Variants in CDK19 observed in about 807,000 individuals in gnomAD.
CDK19 encodes the protein cyclin dependent kinase 19, also known as cyclin-dependent kinase 19.
In CDK19, 20 loss-of-function variants were observed where a neutral mutation model predicts 68.3. That is an observed-to-expected ratio of 0.29 (90% CI 0.21 to 0.43). The LOEUF is 0.43. CDK19 is among the 20% of genes least tolerant of loss of function. The pLI is 1.00. For synonymous variants in CDK19, 221 were observed against 222.8 expected (o/e 0.99, Z 0.07); for missense variants, 339 against 623.5 (o/e 0.54, Z 4.86).
intron 1 of CDK19, among the ~76,000 whole-genome samples, chr6:110,762,702 C>T (rs1458421229): frequency 6.6e-6 from 1 of 152,074 alleles, no homozygotes; most frequent in Non-Finnish European, 1.5e-5. Context: ...AATTGTAAAC[C>T]TTTTAGGGAC....
intron 4 of CDK19, among the ~76,000 whole-genome samples, chr6:110,658,056 T>G (rs1190863327): frequency 6.6e-6 from 1 of 152,216 alleles, no homozygotes; most frequent in African/African-American, 2.4e-5. Context: ...CAATATTACC[T>G]TCTTACACAT....
intron 2 of CDK19, among the ~76,000 whole-genome samples, chr6:110,687,972 G>A (rs1246297795): frequency 6.6e-6 from 1 of 152,046 alleles, no homozygotes; most frequent in Non-Finnish European, 1.5e-5. Flanking sequence ...TTTTTGCAGG[G>A]AGGGGTCAAA....
At chr6:110,814,331 A>C (rs763208341) in intron 1 of CDK19, among the ~76,000 whole-genome samples, 2 of 152,262 alleles carry the variant, frequency 1.3e-5, no homozygotes, top group African/African-American at 2.4e-5. Context: ...AAACGCAGCT[A>C]GCCCATCAGG....
chr6:110,733,869 C>G (rs911723102), intron 2 of CDK19, among the ~76,000 whole-genome samples: 3 of 152,130 alleles, frequency 2.0e-5, no homozygotes, highest in Middle Eastern at 3.4e-3. Context: ...CAACTTTAAG[C>G]ATTATTGATT....
intron 12 of CDK19, among the ~76,000 whole-genome samples, chr6:110,617,660 T>C (rs1234222954): frequency 2.4e-3 from 157 of 66,802 alleles, no homozygotes; most frequent in African/African-American, 4.8e-3. Flanking sequence ...TTTATATATA[T>C]ATACACACAC....
intron 1 of CDK19, among the ~76,000 whole-genome samples, chr6:110,769,152 C>CAAAAA (rs536664282): frequency 2.2e-4 from 11 of 50,538 alleles, no homozygotes; most frequent in African/African-American, 4.4e-4. Flanking sequence ...GACTCTGTCT[C>CAAAAA]AAAAAAAAAA....
At chr6:110,645,777 C>G in intron 4 of CDK19, 1 of 581,408 alleles carries the variant, frequency 1.7e-6, no homozygotes, top group Non-Finnish European at 3.3e-6. Context: ...CGGCTGTTTT[C>G]CAGTTTCTGG....
chr6:110,667,755 G>A (rs1782033828), intron 3 of CDK19, among the ~76,000 whole-genome samples, 181 bp from the exon 4 acceptor site: 1 of 152,140 alleles, frequency 6.6e-6, no homozygotes, highest in East Asian at 1.9e-4. Context: ...GAGGGTGACT[G>A]TGACCATGTT....
intron 1 of CDK19, among the ~76,000 whole-genome samples, chr6:110,761,835 A>G (rs983232865): frequency 2.0e-5 from 3 of 152,102 alleles, no homozygotes; most frequent in Admixed American, 1.3e-4. Context: ...AGCCTCTGTA[A>G]CTCCACAGCT....
At chr6:110,663,742 G>A (rs1462663624) in intron 4 of CDK19, among the ~76,000 whole-genome samples, 1 of 151,994 alleles carries the variant, frequency 6.6e-6, no homozygotes, top group African/African-American at 2.4e-5. Context: ...TGTTGCTCAG[G>A]CTACTCTTGA....
In CDK19 at chr6:110,626,985, A is replaced by G; in HGVS notation, c.790+17T>C. 1 of 1,592,500 alleles carries G rather than the reference A, an allele frequency of 6.3e-7. No individual in the cohort carries two copies. The highest frequency in any genetic ancestry group is 8.5e-7 in the Non-Finnish European group (1 of 1,171,154). ...AATATGACTCAAAATATGACTTTAA[A>G]AAGGAAAATAAATTACCTGCAGGAA... On this transcript the variant is annotated intron_variant, in intron 7 of 12. Transcript: ENST00000368911.
intron 1 of CDK19, among the ~76,000 whole-genome samples, chr6:110,788,893 T>A (rs1781416173): frequency 6.6e-6 from 1 of 152,188 alleles, no homozygotes; most frequent in African/African-American, 2.4e-5. Context: ...TGGGAGCACT[T>A]CTGGCATGAT....
chr6:110,727,971 G>C (rs1258712997), intron 2 of CDK19, among the ~76,000 whole-genome samples: 1 of 142,880 alleles, frequency 7.0e-6, no homozygotes, highest in African/African-American at 2.6e-5. Flanking sequence ...CTGGGCAACT[G>C]AGCAAGACCC....
In CDK19 at chr6:110,621,494, T is replaced by C. The variant is rs1162149396; in HGVS notation, c.1111-124A>G. On this transcript the variant is annotated intron_variant, in intron 11 of 12. Transcript: ENST00000368911. This position sits in a 1 kb window ranked among gnomAD's most constrained non-coding sequence, Gnocchi z 5.4. ...GAGCAATCTATGTGGGACACTAGAG[T>C]GATGGGGAGGACTGGAGAATGGAGC... The C allele has an allele frequency of 1.1e-6, 1 of 925,908 alleles. No homozygotes were observed. The highest frequency in any genetic ancestry group is 1.6e-6 in the Non-Finnish European group (1 of 615,186). 57.4% of individuals were successfully genotyped at this position (925,908 alleles called of 1,614,324 possible).
At chr6:110,713,230 A>G (rs1316554437) in intron 2 of CDK19, among the ~76,000 whole-genome samples, 1 of 151,284 alleles carries the variant, frequency 6.6e-6, no homozygotes, top group Non-Finnish European at 1.5e-5. Flanking sequence ...ACTAGGCACA[A>G]TAAAATACCC....
chr6:110,717,686 T>C (rs1465185084), intron 2 of CDK19, among the ~76,000 whole-genome samples: 1 of 152,186 alleles, frequency 6.6e-6, no homozygotes, highest in Non-Finnish European at 1.5e-5. Flanking sequence ...TGAATGAGAT[T>C]AGTGCCTTTG....
chr6:110,629,347 C>T (rs1779293927), intron 6 of CDK19, among the ~76,000 whole-genome samples: 2 of 152,288 alleles, frequency 1.3e-5, no homozygotes, highest in South Asian at 4.1e-4. Flanking sequence ...TCTCCTGACA[C>T]ACCCATAAAC....
At chr6:110,798,431 C>T (rs540734509) in intron 1 of CDK19, among the ~76,000 whole-genome samples, 2 of 151,948 alleles carry the variant, frequency 1.3e-5, no homozygotes, top group Admixed American at 1.3e-4. Flanking sequence ...TTGAGACCAG[C>T]CTGGCCAACA....
chr6:110,742,808 A>T (rs534512319), intron 2 of CDK19, among the ~76,000 whole-genome samples: 43 of 152,290 alleles, frequency 2.8e-4, no homozygotes, highest in African/African-American at 9.1e-4. Flanking sequence ...TTCTGTTGAG[A>T]TGTTTATCAA....
Sources: gnomAD v4.1 joint callset for allele counts (sites outside exome capture counted in the v4.1 genomes callset) on GRCh38, gnomAD v4.1.1 for gene constraint, Gnocchi (gnomAD v3.1) non-coding constraint, MANE v1.5 for transcripts, NCBI Gene and HGNC (gene_info 2026-07-23, HGNC 2026-07-21) for gene names.